The following PHF14 variants were observed in gnomAD, a reference collection of about 807,000 sequenced individuals.
PHF14 encodes PHD finger protein 14.
PHF14 carries 55 observed loss-of-function variants against 117.9 expected under a neutral mutation model. The ratio of observed to expected loss-of-function variants is 0.47; its 90% CI spans 0.38 to 0.58. PHF14 has a LOEUF of 0.58. Ranked by LOEUF, PHF14 falls within the 20% of genes least tolerant of loss-of-function variation. The pLI is 0.00. For synonymous variants in PHF14, 409 were observed against 368.6 expected, an observed-to-expected ratio of 1.11 and a Z score of -1.26; for missense variants, 978 against 1,122.2, an observed-to-expected ratio of 0.87 and a Z score of 1.84.
chr7:11,100,428 T>G (rs897646170), intron 16 of PHF14, among the ~76,000 whole-genome samples: 4 of 152,006 alleles, frequency 2.6e-5, no homozygotes, highest in African/African-American at 9.7e-5. Flanking sequence ...TATCTCCATT[T>G]TAGAAGAGAG....
At chr7:10,998,862 T>C (rs1782757550) in intron 4 of PHF14, among the ~76,000 whole-genome samples, 1 of 152,246 alleles carries the variant, frequency 6.6e-6, no homozygotes, top group Non-Finnish European at 1.5e-5. Flanking sequence ...GAGTACCATC[T>C]CTACTTCTTA....
intron 16 of PHF14, among the ~76,000 whole-genome samples, chr7:11,101,017 G>A (rs1787067377): frequency 6.6e-6 from 1 of 151,784 alleles, no homozygotes; most frequent in African/African-American, 2.4e-5. Context: ...TTTACTAGTT[G>A]CATATGAAAT....
chr7:11,093,758 T>C (rs1354098500), intron 16 of PHF14, among the ~76,000 whole-genome samples: 1 of 152,130 alleles, frequency 6.6e-6, no homozygotes. Context: ...AGTGTAGGCC[T>C]TTTTCATTGT....
At chr7:10,975,941 C>A (rs1464828478) in intron 2 of PHF14, among the ~76,000 whole-genome samples, 1 of 152,174 alleles carries the variant, frequency 6.6e-6, no homozygotes, top group African/African-American at 2.4e-5. Flanking sequence ...CTTTTAGTAG[C>A]ATCAACAGCA....
At chr7:11,141,934 A>G (rs1054603636) in intron 17 of PHF14, among the ~76,000 whole-genome samples, 14 of 152,058 alleles carry the variant, frequency 9.2e-5, no homozygotes, top group Non-Finnish European at 1.5e-4. Context: ...ATCTTCCTCA[A>G]ATTATCAAAA....
At chr7:11,037,995 A>C (rs567205026) in intron 10 of PHF14, among the ~76,000 whole-genome samples, 15 of 152,338 alleles carry the variant, frequency 9.8e-5, no homozygotes, top group African/African-American at 3.6e-4. Context: ...CTGTAAAAGA[A>C]GGTATAAACG....
chr7:11,114,529 C>T (rs1787540211), intron 17 of PHF14, among the ~76,000 whole-genome samples: 1 of 151,888 alleles, frequency 6.6e-6, no homozygotes, highest in African/African-American at 2.4e-5. Flanking sequence ...GGAAATACAC[C>T]TAAATATTTA....
chr7:11,018,068 A>C (rs1783593089), intron 5 of PHF14, among the ~76,000 whole-genome samples: 1 of 151,878 alleles, frequency 6.6e-6, no homozygotes, highest in Admixed American at 6.6e-5. Context: ...CACTAAGTTC[A>C]CTTAGGTGCG....
At chr7:11,034,780 C>T (rs115339842) in intron 7 of PHF14, among the ~76,000 whole-genome samples, 1,927 of 151,796 alleles carry the variant, frequency 0.013, 43 homozygotes, top group East Asian at 0.1. Context: ...AACTCCCAAC[C>T]TCAAGTGATC....
chr7:11,024,173 C>T (rs1783831249), intron 6 of PHF14, among the ~76,000 whole-genome samples: 1 of 152,144 alleles, frequency 6.6e-6, no homozygotes, highest in Non-Finnish European at 1.5e-5. Context: ...AAGCCAAAAC[C>T]TCATCCAGAG....
At chr7:11,163,273 T>C (rs978683969) in intron 17 of PHF14, among the ~76,000 whole-genome samples, 2 of 152,200 alleles carry the variant, frequency 1.3e-5, no homozygotes, top group African/African-American at 4.8e-5. Context: ...AATATGCAAC[T>C]TGTATCATAC....
chr7:10,976,463 C>A (rs144987183), intron 2 of PHF14, among the ~76,000 whole-genome samples: 1 of 151,876 alleles, frequency 6.6e-6, no homozygotes, highest in South Asian at 2.1e-4. Context: ...ATAGTTGGGT[C>A]GTGGAAGTTA....
rs1317963355 is a variant in PHF14 at position 11,035,621 on chromosome 7, C to T, written c.1456-19C>T. The T allele has an allele frequency of 1.3e-6, 2 of 1,524,218 alleles. No individual in the cohort carries two copies. Among genetic ancestry groups the T allele is most frequent in the Middle Eastern group, 1.7e-4 (1 of 5,726 alleles). 94.4% of individuals were successfully genotyped at this position (1,524,218 alleles called of 1,614,324 possible). A position where few individuals can be genotyped will look rare whatever the true frequency, so the allele number is the denominator to read the frequency against. On this transcript the variant is annotated intron_variant, in intron 7 of 17. Coordinates refer to ENST00000634607, the MANE Select transcript of PHF14 (RefSeq NM_001007157.2). The stretch of plus-strand genomic sequence containing the variant: ...GGGAGTACAAATGTTCACTATTTTT[C>T]TGTGCTTTCTTTGTATAGGATATAG...
At chr7:10,979,553 C>CTCTT (rs1781984125) in intron 2 of PHF14, among the ~76,000 whole-genome samples, 2 of 131,804 alleles carry the variant, frequency 1.5e-5, no homozygotes, top group Admixed American at 7.6e-5. Context: ...CTTTCTCTCT[C>CTCTT]TTTTTTTTTT....
intron 5 of PHF14, among the ~76,000 whole-genome samples, chr7:11,020,315 C>T (rs1381938772): frequency 1.3e-5 from 2 of 152,122 alleles, no homozygotes; most frequent in Non-Finnish European, 1.5e-5. Flanking sequence ...GTCTTGAGCT[C>T]CTGGGCTCAA....
intron 16 of PHF14, among the ~76,000 whole-genome samples, chr7:11,089,716 G>A (rs559933282): frequency 1.3e-3 from 195 of 149,806 alleles, no homozygotes; most frequent in Non-Finnish European, 2.4e-3. Flanking sequence ...ACTATTAAAA[G>A]TGTGACTTTA....
rs1784341242 is a variant in PHF14 at position 11,037,045 on chromosome 7, A to G, written c.1934A>G (p.Asp645Gly). ...ENMAEQKNIK[D>G]KLENEQEKLH... ...ATGGCTGAACAAAAGAATATAAAAG[A>G]TAAATTAGAGAATGAACAAGAAAAG... The change falls in exon 10 of 18, where the codon GAT becomes GGT. Residue 645 changes from aspartate (D) to glycine (G), a missense_variant. By Grantham distance (94) the Asp-to-Gly change is moderately conservative (BLOSUM62 -1). Around this residue, in one of 7 missense-constraint regions of PHF14, gnomAD observed 237 missense variants for 276.4 expected, o/e 0.86. Coordinates refer to ENST00000634607, the MANE Select transcript of PHF14 (RefSeq NM_001007157.2). 6.6e-7 allele frequency: 1 copy of G among 1,509,812 alleles called. No individual in the cohort carries two copies. The highest frequency in any genetic ancestry group is 9.1e-7 in the Non-Finnish European group (1 of 1,102,100). The allele number at this position is 1,509,812 out of a possible 1,614,324, so 93.5% of individuals were successfully genotyped here.
chr7:11,133,428 A>T (rs1004575982), intron 17 of PHF14, among the ~76,000 whole-genome samples: 1 of 152,004 alleles, frequency 6.6e-6, no homozygotes, highest in African/African-American at 2.4e-5. Flanking sequence ...ACAATGCAGC[A>T]AAGGCAATTC....
At chr7:11,054,101 G>A (rs1784937827) in intron 14 of PHF14, among the ~76,000 whole-genome samples, 1 of 151,766 alleles carries the variant, frequency 6.6e-6, no homozygotes, top group Admixed American at 6.6e-5. Context: ...TATCAAAAAA[G>A]CATTTTTTAA....
Sources: allele counts gnomAD v4.1 joint callset (sites outside exome capture counted in the v4.1 genomes callset), GRCh38; gene constraint gnomAD v4.1.1; regional missense constraint gnomAD v4.1.1; transcripts MANE v1.5; gene names NCBI Gene and HGNC (gene_info 2026-07-23, HGNC 2026-07-21).